The following U2SURP variants were observed in gnomAD, a reference collection of about 807,000 sequenced individuals.
U2SURP encodes the protein U2 snRNP-associated SURP motif-containing protein.
A neutral mutation model predicts 144.9 loss-of-function variants in U2SURP; 9 were observed. That is an observed-to-expected ratio of 0.06 (90% CI 0.04 to 0.11). The LOEUF is 0.11. U2SURP is among the 10% of genes least tolerant of loss of function. The pLI, the probability that U2SURP is intolerant of heterozygous loss-of-function variation, is 1.00. For synonymous variants in U2SURP, 408 were observed against 396.8 expected (o/e 1.03, Z -0.33); for missense variants, 724 against 1,226.7 (o/e 0.59, Z 6.12).
At chr3:143,046,421 A>G (rs1350326853) in intron 24 of U2SURP, among the ~76,000 whole-genome samples, 60 of 137,292 alleles carry the variant, frequency 4.4e-4, no homozygotes, top group African/African-American at 1.7e-3. Context: ...CAGCAGATAA[A>G]CAAGTGAACA....
In U2SURP at chr3:143,059,974, A is replaced by G. The variant is rs897670905; in HGVS notation, c.*3524A>G. The G allele has an allele frequency of 6.6e-6, 1 of 152,408 alleles. No homozygotes were observed. The highest frequency in any genetic ancestry group is 6.6e-5 in the Admixed American group (1 of 15,238). The allele number at this position is 152,408 out of a possible 1,614,324, so 9.4% of individuals were successfully genotyped here. On this transcript the variant is annotated 3_prime_UTR_variant, in exon 28 of 28. Coordinates refer to ENST00000473835, the MANE Select transcript of U2SURP (RefSeq NM_001080415.2). ...TTCCTAGGACTTAGATAATATATAAATAAGTACAAATCCCAGGGGAAGTGT... is the reference window on the plus strand; with the variant it reads ...TTCCTAGGACTTAGATAATATATAAGTAAGTACAAATCCCAGGGGAAGTGT...
At chr3:143,019,260 G>T (rs1020607901) in intron 6 of U2SURP, among the ~76,000 whole-genome samples, 1 of 152,132 alleles carries the variant, frequency 6.6e-6, no homozygotes, top group Non-Finnish European at 1.5e-5. Flanking sequence ...ATGGAAGCAT[G>T]GAGGTTTTAA....
chr3:143,012,038 T>C, intron 2 of U2SURP, 184 bp from the exon 3 acceptor site: 1 of 743,746 alleles, frequency 1.3e-6, no homozygotes, highest in Non-Finnish European at 2.3e-6. Flanking sequence ...GTTAGAGTTA[T>C]TGAAAACTTT....
intron 20 of U2SURP, 48 bp downstream of exon 20, chr3:143,036,152 G>A (rs1196731483): frequency 2.6e-6 from 4 of 1,538,114 alleles, no homozygotes; most frequent in South Asian, 1.3e-5. Flanking sequence ...CGTTTCTGGG[G>A]TGGAGGTTTC....
chr3:143,053,551 T>A, intron 25 of U2SURP, 125 bp from the exon 26 acceptor site: 1 of 619,138 alleles, frequency 1.6e-6, no homozygotes, highest in Non-Finnish European at 2.5e-6. Flanking sequence ...TTTTTTTTAA[T>A]AGTATTGTAC....
intron 23 of U2SURP, among the ~76,000 whole-genome samples, 191 bp downstream of exon 23, chr3:143,039,151 G>A (rs1369816495): frequency 6.6e-6 from 1 of 151,768 alleles, no homozygotes; most frequent in Non-Finnish European, 1.5e-5. Context: ...GATGGATCTG[G>A]TTTCATTTTG....
intron 25 of U2SURP, among the ~76,000 whole-genome samples, chr3:143,053,388 A>G (rs1934986524): frequency 6.6e-6 from 1 of 152,162 alleles, no homozygotes. Context: ...GGGATGCTTT[A>G]AATGATTACA....
At chr3:143,047,304 G>A (rs1304466340) in intron 24 of U2SURP, among the ~76,000 whole-genome samples, 2 of 23,884 alleles carry the variant, frequency 8.4e-5, no homozygotes, top group African/African-American at 4.4e-4. Flanking sequence ...GGACGGGGCG[G>A]CTGGCCGGGC....
rs773196711 is a variant in U2SURP at position 143,056,356 on chromosome 3, G to A, written c.2996G>A (p.Arg999Gln). The change falls in exon 28 of 28, where the codon CGG becomes CAG. Residue 999 changes from arginine to glutamine, a missense_variant. By Grantham distance (43) the Arg-to-Gln change is conservative. Around this residue, in one of 13 missense-constraint regions of U2SURP, gnomAD observed 129 missense variants for 196.1 expected, o/e 0.66. Coordinates refer to ENST00000473835, the MANE Select transcript of U2SURP (RefSeq NM_001080415.2). ...ACACCTAAAAGGTCTAGGCGATCACGGTCTAGATCTCCTAAAAAATCAGGA... is the reference window on the plus strand; with the variant it reads ...ACACCTAAAAGGTCTAGGCGATCACAGTCTAGATCTCCTAAAAAATCAGGA... ...SRTPKRSRRS[R>Q]SRSPKKSGKK... is the part of the protein sequence containing the mutation. 3.7e-6 allele frequency: 6 copies of A among 1,611,398 alleles called. No individual in the cohort carries two copies. The highest frequency in any genetic ancestry group is 1.3e-5 in the African/African-American group (1 of 74,760).
At chr3:143,024,768 G>A (rs1303091700) in intron 13 of U2SURP, among the ~76,000 whole-genome samples, 1 of 152,118 alleles carries the variant, frequency 6.6e-6, no homozygotes, top group Non-Finnish European at 1.5e-5. Context: ...AACTGTCTGC[G>A]GCAGCGGGGG....
intron 25 of U2SURP, among the ~76,000 whole-genome samples, chr3:143,051,618 A>AAG (rs1553847103): frequency 8.6e-5 from 13 of 151,022 alleles, no homozygotes; most frequent in African/African-American, 1.2e-4. Flanking sequence ...AAAAAAAAAA[A>AAG]AAAGAAAAAC....
intron 6 of U2SURP, among the ~76,000 whole-genome samples, chr3:143,018,682 G>A (rs1936496247): frequency 6.6e-6 from 1 of 152,020 alleles, no homozygotes; most frequent in Admixed American, 6.6e-5. Context: ...CACCAGTAAT[G>A]TATGAGGGTT....
chr3:143,058,324 C>A lies in U2SURP; in HGVS notation c.*1874C>A, dbSNP rs1409264529. 1 of 151,654 alleles carries A rather than the reference C, an allele frequency of 6.6e-6. No individual in the cohort carries two copies. Among genetic ancestry groups the A allele is most frequent in the Non-Finnish European group, 1.5e-5 (1 of 67,748 alleles). The allele number at this position is 151,654 out of a possible 1,614,324, so 9.4% of individuals were successfully genotyped here. A position where few individuals can be genotyped will look rare whatever the true frequency, so the allele number is the denominator to read the frequency against. The stretch of plus-strand genomic sequence containing the variant: ...GTTGCAAGGGATGCTTATTTCTCTT[C>A]AAAAAAAGACATCCTGCGGGATTGA... On this transcript the variant is annotated 3_prime_UTR_variant, in exon 28 of 28. Coordinates refer to ENST00000473835, the MANE Select transcript of U2SURP (RefSeq NM_001080415.2).
chr3:143,027,325 A>G lies in U2SURP; in HGVS notation c.1379+72A>G, dbSNP rs1316065499. ...CCATTTTAACTATTTTTAAGTATAC[A>G]GTTCAGTGTCATTAAGTACATTCAC... On this transcript the variant is annotated intron_variant, in intron 14 of 27. Coordinates refer to ENST00000473835, the MANE Select transcript of U2SURP (RefSeq NM_001080415.2). 5 of 1,151,186 alleles carry G rather than the reference A, an allele frequency of 4.3e-6. No individual in the cohort carries two copies. The East Asian group carries it at 9.9e-5, about 23-fold the overall frequency. The allele number at this position is 1,151,186 out of a possible 1,614,324, so 71.3% of individuals were successfully genotyped here.
chr3:143,016,560 A>G (rs763862684), intron 5 of U2SURP, among the ~76,000 whole-genome samples, 189 bp downstream of exon 5: 5 of 152,186 alleles, frequency 3.3e-5, no homozygotes, highest in African/African-American at 9.6e-5. Context: ...CCAAGTGTCA[A>G]TTAATGAGAT....
At position 143,051,158 on chromosome 3, in the gene U2SURP, T is replaced by A. The variant is rs752743394; in HGVS notation, c.2655+109T>A. 15 of 638,162 alleles carry A rather than the reference T, an allele frequency of 2.4e-5. No homozygotes were observed. In the Middle Eastern group the frequency reaches 1.1e-3, roughly 49 times the overall value. 39.5% of individuals were successfully genotyped at this position (638,162 alleles called of 1,614,324 possible). A position where few individuals can be genotyped will look rare whatever the true frequency, so the allele number is the denominator to read the frequency against. ...TTTCAAATTATATCCTTTGTATAAA[T>A]TTTGAATACTAGTAGGGCAATCAGA... On this transcript the variant is annotated intron_variant, in intron 25 of 27. Coordinates refer to ENST00000473835, the MANE Select transcript of U2SURP (RefSeq NM_001080415.2).
chr3:143,026,193 A>G (rs543019224), intron 13 of U2SURP: 2 of 152,274 alleles, frequency 1.3e-5, no homozygotes, highest in South Asian at 2.1e-4. Context: ...TTTGGAGTCT[A>G]ATAAAATATC....
intron 5 of U2SURP, 46 bp from the exon 6 acceptor site, chr3:143,016,796 A>T (rs1012262160): frequency 2.1e-6 from 3 of 1,462,138 alleles, no homozygotes; most frequent in Non-Finnish European, 2.7e-6. Context: ...ACAGTAAAGA[A>T]AAATATTGCG....
intron 26 of U2SURP, 52 bp from the exon 27 acceptor site, chr3:143,054,891 A>G (rs973604773): frequency 2.0e-6 from 3 of 1,484,760 alleles, no homozygotes; most frequent in Admixed American, 3.0e-5. Context: ...AGGAAAATGA[A>G]TACCCGATCC....
Sources: gnomAD v4.1 joint callset for allele counts (sites outside exome capture counted in the v4.1 genomes callset) on GRCh38, gnomAD v4.1.1 for gene constraint, gnomAD v4.1.1 regional missense constraint, MANE v1.5 for transcripts, NCBI Gene and HGNC (gene_info 2026-07-23, HGNC 2026-07-21) for gene names.